Variants in CHSY3 observed in about 807,000 individuals in gnomAD.
CHSY3 encodes N-acetylgalactosaminyl-proteoglycan 3-beta-glucuronosyltransferase 3.
CHSY3 carries 35 observed loss-of-function variants against 67.2 expected under a neutral mutation model. The observed-to-expected ratio is 0.52, with a 90% CI of 0.40 to 0.69. The LOEUF (loss-of-function observed/expected upper bound fraction) is 0.69, where lower values mean the gene tolerates loss of function less well. Ranked by LOEUF, CHSY3 falls within the 30% of genes least tolerant of loss-of-function variation. The probability of loss-of-function intolerance (pLI) is 0.00; values close to 1 mark genes in which losing one functional copy is unlikely to be tolerated. For synonymous variants in CHSY3, 474 were observed against 434.7 expected (o/e 1.09, Z -1.12); for missense variants, 1,069 against 1,138.5 (o/e 0.94, Z 0.88).
intron 2 of CHSY3, among the ~76,000 whole-genome samples, chr5:130,092,032 CT>C (rs1766897152): frequency 6.6e-6 from 1 of 152,132 alleles, no homozygotes; most frequent in Admixed American, 6.6e-5. Flanking sequence ...CTGTCAGTTT[CT>C]TCCTCTCTGT....
chr5:129,935,320 G>A (rs559380768), intron 2 of CHSY3, among the ~76,000 whole-genome samples: 1 of 152,044 alleles, frequency 6.6e-6, no homozygotes, highest in South Asian at 2.1e-4. Context: ...GACGTTTTTT[G>A]TTTAATTTTG....
At chr5:129,960,859 A>T (rs1055005196) in intron 2 of CHSY3, among the ~76,000 whole-genome samples, 1 of 152,120 alleles carries the variant, frequency 6.6e-6, no homozygotes, top group Non-Finnish European at 1.5e-5. Context: ...GCATTATAAA[A>T]GACTGCCCTT....
intron 2 of CHSY3, among the ~76,000 whole-genome samples, chr5:130,181,766 A>G (rs930708764): frequency 2.6e-5 from 4 of 152,136 alleles, no homozygotes; most frequent in Admixed American, 6.5e-5. Flanking sequence ...CTGTTTCTGA[A>G]TTTCACATAA....
intron 2 of CHSY3, among the ~76,000 whole-genome samples, chr5:130,126,492 A>T (rs940154935): frequency 2.0e-5 from 3 of 152,082 alleles, no homozygotes; most frequent in Non-Finnish European, 4.4e-5. Context: ...TTTTCTCTGC[A>T]TTGATAAGAT....
intron 2 of CHSY3, among the ~76,000 whole-genome samples, chr5:129,987,046 T>G (rs541935033): frequency 5.9e-5 from 9 of 152,336 alleles, no homozygotes; most frequent in African/African-American, 2.2e-4. Context: ...AATTTTATAA[T>G]TTTTTAAATT....
chr5:130,011,073 T>G (rs1266267142), intron 2 of CHSY3, among the ~76,000 whole-genome samples: 2 of 152,202 alleles, frequency 1.3e-5, no homozygotes, highest in Non-Finnish European at 1.5e-5. Context: ...CCAATCCTTC[T>G]GAAACTATTC....
chr5:129,912,407 T>C (rs1760594675), intron 2 of CHSY3, among the ~76,000 whole-genome samples: 1 of 152,130 alleles, frequency 6.6e-6, no homozygotes, highest in African/African-American at 2.4e-5. Flanking sequence ...GGCTTGTCTC[T>C]CAAGGCAGTG....
chr5:129,986,725 C>T (rs532248801), intron 2 of CHSY3, among the ~76,000 whole-genome samples: 8 of 152,288 alleles, frequency 5.3e-5, no homozygotes, highest in African/African-American at 1.9e-4. Flanking sequence ...TCACTGCAGC[C>T]TCCATCTCCC....
intron 2 of CHSY3, among the ~76,000 whole-genome samples, chr5:129,952,534 T>C (rs1221215908): frequency 6.6e-6 from 1 of 152,230 alleles, no homozygotes; most frequent in East Asian, 1.9e-4. Flanking sequence ...TTAAAATCTT[T>C]CTTTGAACAC....
chr5:129,918,878 CG>C (rs1760820931), intron 2 of CHSY3, among the ~76,000 whole-genome samples: 2 of 149,208 alleles, frequency 1.3e-5, no homozygotes, highest in South Asian at 4.2e-4. Flanking sequence ...GAGGCCGAGG[CG>C]GGTGGATCAT....
At chr5:130,020,870 A>T (rs930335154) in intron 2 of CHSY3, among the ~76,000 whole-genome samples, 1 of 152,034 alleles carries the variant, frequency 6.6e-6, no homozygotes, top group African/African-American at 2.4e-5. Context: ...GCATGTCTTG[A>T]TCTAACCCCT....
chr5:129,915,322 T>C (rs988257669), intron 2 of CHSY3, among the ~76,000 whole-genome samples: 1 of 152,296 alleles, frequency 6.6e-6, no homozygotes, highest in East Asian at 1.9e-4. Flanking sequence ...ACAATTCTAA[T>C]GTTCTCTTAA....
intron 2 of CHSY3, among the ~76,000 whole-genome samples, chr5:130,058,354 G>T (rs567432963): frequency 3.3e-5 from 5 of 152,280 alleles, no homozygotes; most frequent in Admixed American, 3.3e-4. Flanking sequence ...ATGGCCAGGC[G>T]TGGTGGCTCA....
chr5:130,045,320 A>T (rs550522170), intron 2 of CHSY3, among the ~76,000 whole-genome samples: 1 of 152,106 alleles, frequency 6.6e-6, no homozygotes, highest in Non-Finnish European at 1.5e-5. Context: ...GTACATTCAC[A>T]CTTGAGTTAT....
chr5:130,141,744 T>A (rs769266856), intron 2 of CHSY3: 1 of 493,300 alleles, frequency 2.0e-6, no homozygotes, highest in South Asian at 1.5e-5. Context: ...ATAAGGGTAT[T>A]AAAATTATCA....
chr5:130,010,027 CAAT>C (rs1471493255), intron 2 of CHSY3, among the ~76,000 whole-genome samples: 1 of 152,084 alleles, frequency 6.6e-6, no homozygotes, highest in Non-Finnish European at 1.5e-5. Flanking sequence ...TATAACCACA[CAAT>C]AATAGTATGA....
intron 2 of CHSY3, among the ~76,000 whole-genome samples, chr5:130,118,123 C>T (rs1767878073): frequency 6.6e-6 from 1 of 152,158 alleles, no homozygotes; most frequent in Non-Finnish European, 1.5e-5. Flanking sequence ...TCCTGAGACT[C>T]TCACTAGGAG....
intron 2 of CHSY3, among the ~76,000 whole-genome samples, chr5:130,166,283 C>T (rs1429481337): frequency 1.3e-5 from 2 of 152,126 alleles, no homozygotes; most frequent in Admixed American, 6.6e-5. Flanking sequence ...ACTGTGCAGA[C>T]TTGAAACCCA....
rs1209956699 is a variant in CHSY3, at chr5:130,020,442, TATATATATATATA to T, written c.1086+112083_1086+112095del. On this transcript the variant is annotated intron_variant, in intron 2 of 2. Coordinates refer to ENST00000305031, the MANE Select transcript of CHSY3 (RefSeq NM_175856.5). ...CTCAAAATATATATATATATATATA[TATATATATATATA>T]TATATATTTTTTTTTTTTTTTTTTC... is the stretch of plus-strand genomic sequence containing the variant. Among the ~76,000 whole-genome samples the T allele has an allele frequency of 7.2e-3, 393 of 54,668 alleles. 31 individuals are homozygous for T. Among genetic ancestry groups the T allele is most frequent in the African/African-American group, 9.9e-3 (100 of 10,088 alleles). 35.9% of individuals were successfully genotyped at this position (54,668 alleles called of 152,430 possible).
Sources: allele counts gnomAD v4.1 joint callset (sites outside exome capture counted in the v4.1 genomes callset), GRCh38; gene constraint gnomAD v4.1.1; transcripts MANE v1.5; gene names NCBI Gene and HGNC (gene_info 2026-07-23, HGNC 2026-07-21).